The following ZMYND19 variants were observed in gnomAD, a reference collection of about 807,000 sequenced individuals.
ZMYND19 encodes zinc finger MYND-type containing 19, also known as zinc finger MYND domain-containing protein 19.
A neutral mutation model predicts 32.0 loss-of-function variants in ZMYND19; 17 were observed. The observed-to-expected ratio is 0.53, with a 90% CI of 0.36 to 0.80. The LOEUF is 0.80. Among genes scored for constraint, ZMYND19 ranks in the 30% least tolerant of loss-of-function variants. The probability of loss-of-function intolerance (pLI) is 0.00; values close to 1 mark genes in which losing one functional copy is unlikely to be tolerated. For missense variants in ZMYND19, 250 were observed against 293.6 expected (o/e 0.85, Z 1.09); for synonymous variants, 124 against 113.6 (o/e 1.09, Z -0.58).
At chr9:137,587,443 G>T in intron 3 of ZMYND19, 1 of 591,420 alleles carries the variant, frequency 1.7e-6, no homozygotes, top group Non-Finnish European at 3.0e-6. Context: ...CACCGGGGGG[G>T]CTCGGCAAAA....
chr9:137,586,950 G>T lies in ZMYND19; in HGVS notation c.359+17C>A. ...AAGGCGCCTCTGCTGGCATCGCCAGGCCCTGAGAAGACCCACCTCTGCTTG... is the reference window on the plus strand; with the variant it reads ...AAGGCGCCTCTGCTGGCATCGCCAGTCCCTGAGAAGACCCACCTCTGCTTG... On this transcript the variant is annotated intron_variant, in intron 4 of 5. Coordinates refer to ENST00000298585, the MANE Select transcript of ZMYND19 (RefSeq NM_138462.3). 2 of 1,611,322 alleles carry T rather than the reference G, an allele frequency of 1.2e-6. No homozygotes were observed. The highest frequency in any genetic ancestry group is 1.7e-6 in the Non-Finnish European group (2 of 1,179,862).
In ZMYND19 at chr9:137,590,158, GC is replaced by G. The variant is rs1842256518; in HGVS notation, c.51+54del. 53 of 997,968 alleles carry G rather than the reference GC, an allele frequency of 5.3e-5. No individual in the cohort carries two copies. In the African/African-American group the frequency reaches 8.3e-4, roughly 16 times the overall value. 61.8% of individuals were successfully genotyped at this position (997,968 alleles called of 1,614,324 possible). A position where few individuals can be genotyped will look rare whatever the true frequency, so the allele number is the denominator to read the frequency against. On this transcript the variant is annotated intron_variant, in intron 1 of 5. Coordinates refer to ENST00000298585, the MANE Select transcript of ZMYND19 (RefSeq NM_138462.3). This position sits in a 1 kb window ranked among gnomAD's most constrained non-coding sequence, Gnocchi z 4.2. ...CGCCCGCACAACCGCCCCCGGCCCC[GC>G]GCGGAGGCCTGGACGGGCGAGACGG...
chr9:137,586,676 C>G (rs946965468), intron 4 of ZMYND19, among the ~76,000 whole-genome samples: 2 of 152,220 alleles, frequency 1.3e-5, no homozygotes. Context: ...GACGCTGGCC[C>G]TGCCCTGGAG....
At chr9:137,584,081 G>A (rs1034429276) in intron 4 of ZMYND19, among the ~76,000 whole-genome samples, 1 of 152,268 alleles carries the variant, frequency 6.6e-6, no homozygotes, top group Admixed American at 6.5e-5. Flanking sequence ...CCACAGACCA[G>A]GATCCAGACG....
chr9:137,590,190 G>A lies in ZMYND19; in HGVS notation c.51+23C>T, dbSNP rs1214868528. The A allele has an allele frequency of 2.7e-5, 29 of 1,068,616 alleles. No homozygotes were observed. Among genetic ancestry groups the A allele is most frequent in the African/African-American group, 3.5e-5 (2 of 57,648 alleles). 66.2% of individuals were successfully genotyped at this position (1,068,616 alleles called of 1,614,324 possible). ...GGCCTGGACGGGCGAGACGGGCCGG[G>A]TCGCGGGCTCCGCGCCGCTCACCTT... On this transcript the variant is annotated intron_variant, in intron 1 of 5. Coordinates refer to ENST00000298585, the MANE Select transcript of ZMYND19 (RefSeq NM_138462.3). This position sits in a 1 kb window ranked among gnomAD's most constrained non-coding sequence, Gnocchi z 4.2.
rs1842158254 is a variant in ZMYND19 at position 137,582,509 on chromosome 9, C to CG, written c.*33dup. ...TCTCTGCTGTGCCCAGGGTAGAGCC[C>CG]GGGGGCTGTGAGTATGTGTGGCTCC... On this transcript the variant is annotated 3_prime_UTR_variant, in exon 6 of 6. Transcript: ENST00000298585. 6.2e-7 allele frequency: 1 copy of CG among 1,603,638 alleles called. No individual in the cohort carries two copies. Among genetic ancestry groups the CG allele is most frequent in the Non-Finnish European group, 8.5e-7 (1 of 1,176,048 alleles).
intron 1 of ZMYND19, chr9:137,589,009 G>A (rs1255290646): frequency 7.5e-6 from 3 of 402,292 alleles, no homozygotes; most frequent in Non-Finnish European, 1.4e-5. Flanking sequence ...CCCCAACAGT[G>A]GCACTGAACA....
chr9:137,586,717 G>C (rs926640678), intron 4 of ZMYND19, among the ~76,000 whole-genome samples: 1 of 152,236 alleles, frequency 6.6e-6, no homozygotes, highest in African/African-American at 2.4e-5. Flanking sequence ...TGTCATGCCA[G>C]CTAAAGGGAG....
chr9:137,589,901 C>G (rs927686506), intron 1 of ZMYND19: 1 of 985,216 alleles, frequency 1.0e-6, no homozygotes, highest in Non-Finnish European at 1.2e-6. Context: ...TCCGGGAGAA[C>G]GCGGCTCGGG....
intron 4 of ZMYND19, among the ~76,000 whole-genome samples, chr9:137,584,835 A>G (rs1842186343): frequency 6.6e-6 from 1 of 152,226 alleles, no homozygotes; most frequent in Non-Finnish European, 1.5e-5. Flanking sequence ...GCCGCCTCCC[A>G]GAGAGGAGCC....
chr9:137,590,087 G>A lies in ZMYND19; in HGVS notation c.51+126C>T, dbSNP rs913530118. 9.3e-5 allele frequency: 91 copies of A among 982,724 alleles called. No homozygotes were observed. Among genetic ancestry groups the A allele is most frequent in the Non-Finnish European group, 1.0e-4 (86 of 828,868 alleles). 60.9% of individuals were successfully genotyped at this position (982,724 alleles called of 1,614,324 possible). The stretch of plus-strand genomic sequence containing the variant: ...CAGCCGGGCCCGCGCAGCGTCCCCC[G>A]CCCCGCTGGGGCCCATCCCGGGCTC... On this transcript the variant is annotated intron_variant, in intron 1 of 5. Coordinates refer to ENST00000298585, the MANE Select transcript of ZMYND19 (RefSeq NM_138462.3). This position sits in a 1 kb window ranked among gnomAD's most constrained non-coding sequence, Gnocchi z 4.2.
Position 137,590,215 on chromosome 9 carries a change from TC to T in ZMYND19, c.48del (p.Lys17ArgfsTer6). On this transcript the variant is annotated frameshift_variant, in exon 1 of 6. Coordinates refer to ENST00000298585, the MANE Select transcript of ZMYND19 (RefSeq NM_138462.3). LOFTEE classifies it high-confidence loss of function. The surrounding 1 kb of genome is among the most constrained non-coding windows in gnomAD (Gnocchi z 4.2). ...LGIVRLGRVA[G>X]KTKYTLIDEQ... is the part of the protein sequence containing the mutation. ...GTCGCGGGCTCCGCGCCGCTCACCT[TC>T]CCGGCCACCCGGCCGAGCCGCACGA... 2.7e-6 allele frequency: 3 copies of T among 1,129,156 alleles called. No homozygotes were observed. Among genetic ancestry groups the T allele is most frequent in the South Asian group, 2.0e-5 (1 of 50,426 alleles). 69.9% of individuals were successfully genotyped at this position (1,129,156 alleles called of 1,614,324 possible).
intron 3 of ZMYND19, 69 bp from the exon 4 acceptor site, chr9:137,587,176 G>A: frequency 6.4e-7 from 1 of 1,568,064 alleles, no homozygotes; most frequent in Non-Finnish European, 8.6e-7. Flanking sequence ...GACATTTCTG[G>A]TCAGGTACCA....
At chr9:137,589,005 C>A in intron 1 of ZMYND19, 1 of 419,566 alleles carries the variant, frequency 2.4e-6, no homozygotes, top group Admixed American at 3.8e-5. Flanking sequence ...CTAACCCCAA[C>A]AGTGGCACTG....
In ZMYND19 at chr9:137,590,064, G is replaced by A. The variant is rs927852494; in HGVS notation, c.51+149C>T. ...AAGCTGCACCCGCGCGGGGCCAGCAGCCGGGCCCGCGCAGCGTCCCCCGCC... is the reference window on the plus strand; with the variant it reads ...AAGCTGCACCCGCGCGGGGCCAGCAACCGGGCCCGCGCAGCGTCCCCCGCC... On this transcript the variant is annotated intron_variant, in intron 1 of 5. Transcript: ENST00000298585. The surrounding 1 kb of genome is among the most constrained non-coding windows in gnomAD (Gnocchi z 4.2). 46 of 983,910 alleles carry A rather than the reference G, an allele frequency of 4.7e-5. No homozygotes were observed. In the East Asian group the frequency reaches 1.4e-3, roughly 29 times the overall value. 60.9% of individuals were successfully genotyped at this position (983,910 alleles called of 1,614,324 possible).
At position 137,585,160 on chromosome 9, in the gene ZMYND19, C is replaced by T. The variant is rs984773837; in HGVS notation, c.359+1807G>A. 8.6e-5 allele frequency among the ~76,000 whole-genome samples: 13 copies of T among 151,868 alleles called. No individual in the cohort carries two copies. The East Asian group carries it at 1.2e-3, about 14-fold the overall frequency. Reference sequence around the variant, plus strand: ...AAGCGGGGCCAGGCGTGGTGGCTCACGCCTGTAATCCCAGCACTTTGGGAG... The same window carrying T: ...AAGCGGGGCCAGGCGTGGTGGCTCATGCCTGTAATCCCAGCACTTTGGGAG... On this transcript the variant is annotated intron_variant, in intron 4 of 5. Coordinates refer to ENST00000298585, the MANE Select transcript of ZMYND19 (RefSeq NM_138462.3).
intron 1 of ZMYND19, chr9:137,589,850 C>G: frequency 1.0e-6 from 1 of 985,468 alleles, no homozygotes; most frequent in Non-Finnish European, 1.2e-6. Context: ...GCAGCCCGGA[C>G]GCCGCGCTAG....
Position 137,587,748 on chromosome 9 carries a change from C to G in ZMYND19, c.187G>C (p.Gly63Arg). 1 of 1,614,172 alleles carries G rather than the reference C, an allele frequency of 6.2e-7. No homozygotes were observed. Among genetic ancestry groups the G allele is most frequent in the Non-Finnish European group, 8.5e-7 (1 of 1,180,026 alleles). ...AYAFDKNRGR[G>R]SGRLLHELLW... The stretch of plus-strand genomic sequence containing the variant: ...AGCTCATGAAGGAGTCTCCCAGAGC[C>G]CCTTCCTCGGTTCTTGTCAAAGGCA... The change falls in exon 3 of 6, where the codon GGC becomes CGC. Residue 63 changes from glycine to arginine, a missense_variant. Gly to Arg is a moderately radical substitution (Grantham distance 125, BLOSUM62 -2). This residue lies in a region of ZMYND19 where 212 missense variants were observed against 218.8 expected (regional missense o/e 0.97). Coordinates refer to ENST00000298585, the MANE Select transcript of ZMYND19 (RefSeq NM_138462.3).
intron 4 of ZMYND19, among the ~76,000 whole-genome samples, chr9:137,585,228 G>C (rs1170675361): frequency 6.6e-6 from 1 of 151,842 alleles, no homozygotes; most frequent in African/African-American, 2.4e-5. Context: ...TTCAAGACCA[G>C]CCTGGCCAAC....
Sources: allele counts gnomAD v4.1 joint callset (sites outside exome capture counted in the v4.1 genomes callset), GRCh38; gene constraint gnomAD v4.1.1; regional missense constraint gnomAD v4.1.1; non-coding constraint Gnocchi (gnomAD v3.1); transcripts MANE v1.5; gene names NCBI Gene and HGNC (gene_info 2026-07-23, HGNC 2026-07-21).